SGPP1: variants seen among roughly 807,000 people sequenced by gnomAD.
The protein encoded by SGPP1 is sphingosine-1-phosphate phosphatase 1, also known as hSPP1.
A neutral mutation model predicts 33.0 loss-of-function variants in SGPP1; 21 were observed. The observed-to-expected ratio is 0.64, with a 90% confidence interval of 0.45 to 0.92. SGPP1 has a LOEUF of 0.92. SGPP1 is among the 40% of genes least tolerant of loss of function. The pLI is 0.00. For synonymous variants in SGPP1, 239 were observed against 241.2 expected (o/e 0.99, Z 0.08); for missense variants, 543 against 589.4 (o/e 0.92, Z 0.81).
intron 1 of SGPP1, among the ~76,000 whole-genome samples, chr14:63,711,479 C>T (rs896117794): frequency 3.9e-5 from 6 of 152,056 alleles, no homozygotes; most frequent in African/African-American, 1.4e-4. Flanking sequence ...CTGGCAAGTC[C>T]AAAATCTGCA....
chr14:63,726,745 A>G (rs1203893575), intron 1 of SGPP1, among the ~76,000 whole-genome samples: 1 of 152,178 alleles, frequency 6.6e-6, no homozygotes. Context: ...CTTCGATGAA[A>G]ATCGATTACT....
intron 2 of SGPP1, among the ~76,000 whole-genome samples, chr14:63,694,028 CCAA>C (rs1885137871): frequency 1.3e-5 from 2 of 152,014 alleles, no homozygotes; most frequent in African/African-American, 4.8e-5. Context: ...GCCTGTAATC[CCAA>C]CACATTGAGA....
chr14:63,709,846 G>T (rs374562718), intron 1 of SGPP1, among the ~76,000 whole-genome samples: 3 of 151,588 alleles, frequency 2.0e-5, no homozygotes, highest in Admixed American at 6.6e-5. Flanking sequence ...TTATCTAAAC[G>T]TTTCCCTCAA....
intron 2 of SGPP1, among the ~76,000 whole-genome samples, chr14:63,698,331 G>C (rs1885228623): frequency 6.6e-6 from 1 of 152,142 alleles, no homozygotes; most frequent in African/African-American, 2.4e-5. Context: ...AGGAAGAAAT[G>C]TTATCTTGAT....
chr14:63,685,937 T>C lies in SGPP1; in HGVS notation c.*168A>G. 1 of 485,432 alleles carries C rather than the reference T, an allele frequency of 2.1e-6. No individual in the cohort carries two copies. Among genetic ancestry groups the C allele is most frequent in the South Asian group, 4.1e-5 (1 of 24,684 alleles). 30.1% of individuals were successfully genotyped at this position (485,432 alleles called of 1,614,324 possible). ...AAATAGCTCAGCTCACCTAAAACAG[T>C]ATCTGGATGTGCAATGATAAAATGC... On this transcript the variant is annotated 3_prime_UTR_variant, in exon 3 of 3. Coordinates refer to ENST00000247225, the MANE Select transcript of SGPP1 (RefSeq NM_030791.4).
At chr14:63,695,937 C>A (rs1490512649) in intron 2 of SGPP1, among the ~76,000 whole-genome samples, 3 of 151,790 alleles carry the variant, frequency 2.0e-5, no homozygotes, top group African/African-American at 7.3e-5. Flanking sequence ...CAAAAAAGAA[C>A]AGATGTTGTC....
chr14:63,687,887 G>GA (rs1335721151), intron 2 of SGPP1, among the ~76,000 whole-genome samples: 2 of 152,222 alleles, frequency 1.3e-5, no homozygotes, highest in Admixed American at 1.3e-4. Flanking sequence ...TTCAGAGGCC[G>GA]AGGCGGGTGG....
chr14:63,695,049 T>C (rs569646933), intron 2 of SGPP1, among the ~76,000 whole-genome samples: 6 of 152,076 alleles, frequency 3.9e-5, no homozygotes, highest in South Asian at 4.2e-4. Context: ...TTGTTTTTAT[T>C]TATTTTATTT....
At position 63,707,180 on chromosome 14, in the gene SGPP1, T is replaced by G. The variant is rs564235922; in HGVS notation, c.685-8522A>C. 9.0e-4 allele frequency among the ~76,000 whole-genome samples: 137 copies of G among 152,270 alleles called. 1 individual carries two copies. The highest frequency in any genetic ancestry group is 3.2e-3 in the African/African-American group (133 of 41,560). On this transcript the variant is annotated intron_variant, in intron 1 of 2. Transcript: ENST00000247225. ...ATGTCAGTGTTATTACTGTTTCTCT[T>G]TTGAACTCTTAAGTTACAAAGAATC...
intron 1 of SGPP1, among the ~76,000 whole-genome samples, chr14:63,706,761 T>G (rs181701160): frequency 5.7e-4 from 86 of 152,144 alleles, no homozygotes; most frequent in Non-Finnish European, 9.6e-4. Flanking sequence ...AATCTGAAAA[T>G]CCTTTTCAGT....
intron 1 of SGPP1, among the ~76,000 whole-genome samples, chr14:63,726,155 C>A (rs1490948351): frequency 6.6e-6 from 1 of 152,120 alleles, no homozygotes. Context: ...ATTTTATCTA[C>A]ACTGAAATTT....
intron 1 of SGPP1, among the ~76,000 whole-genome samples, chr14:63,719,945 T>A (rs1256056371): frequency 8.4e-5 from 12 of 143,474 alleles, no homozygotes; most frequent in Non-Finnish European, 1.5e-4. Context: ...TGAAACCCCA[T>A]CTCTACTGAA....
chr14:63,702,970 A>C (rs1040743926), intron 1 of SGPP1, among the ~76,000 whole-genome samples: 1 of 152,198 alleles, frequency 6.6e-6, no homozygotes, highest in Non-Finnish European at 1.5e-5. Flanking sequence ...CAGGAAAAAA[A>C]CAGTATATAT....
intron 1 of SGPP1, among the ~76,000 whole-genome samples, chr14:63,710,067 C>T (rs1163350523): frequency 1.3e-5 from 2 of 151,972 alleles, no homozygotes. Flanking sequence ...AAGGCAGGCA[C>T]AGGAAAGAAT....
Position 63,698,624 on chromosome 14 carries a change from C to T in SGPP1, c.719G>A (p.Cys240Tyr). ...PLIYGLILIP[C>Y]WCSLVCLSRI... ...ACTTAGGCAAACTAGAGAACACCAG[C>T]AGGGAATAAGAATCAGTCCATATAT... The change falls in exon 2 of 3, where the codon TGC (cysteine) becomes TAC (tyrosine). Residue 240 changes from cysteine to tyrosine, a missense_variant. Physicochemically the swap from Cys to Tyr is radical, Grantham distance 194. Transcript: ENST00000247225. 2 of 1,603,922 alleles carry T rather than the reference C, an allele frequency of 1.2e-6. No homozygotes were observed. Among genetic ancestry groups the T allele is most frequent in the South Asian group, 1.1e-5 (1 of 89,448 alleles).
intron 1 of SGPP1, among the ~76,000 whole-genome samples, chr14:63,720,848 T>C (rs1885756712): frequency 6.6e-6 from 1 of 152,212 alleles, no homozygotes; most frequent in Non-Finnish European, 1.5e-5. Context: ...TGTCTAACAC[T>C]GAATCCTTCA....
intron 1 of SGPP1, among the ~76,000 whole-genome samples, chr14:63,712,213 T>G (rs1885537026): frequency 6.6e-6 from 1 of 152,170 alleles, no homozygotes; most frequent in South Asian, 2.1e-4. Context: ...ATTTTCTAAG[T>G]CTTCTATAAA....
intron 1 of SGPP1, among the ~76,000 whole-genome samples, chr14:63,717,482 C>T (rs1451561880): frequency 1.3e-5 from 2 of 151,992 alleles, no homozygotes; most frequent in African/African-American, 4.8e-5. Flanking sequence ...CCATCATGCC[C>T]GGCTAATTTT....
intron 1 of SGPP1, among the ~76,000 whole-genome samples, chr14:63,725,330 C>T (rs1885857265): frequency 6.6e-6 from 1 of 152,200 alleles, no homozygotes; most frequent in Non-Finnish European, 1.5e-5. Flanking sequence ...GCCGAGACTG[C>T]ACCACTGCAC....
Sources: gnomAD v4.1 joint callset for allele counts (sites outside exome capture counted in the v4.1 genomes callset) on GRCh38, gnomAD v4.1.1 for gene constraint, MANE v1.5 for transcripts, NCBI Gene and HGNC (gene_info 2026-07-23, HGNC 2026-07-21) for gene names.